FAF1: variants seen among roughly 807,000 people sequenced by gnomAD.
FAF1 encodes the protein Fas associated factor 1.
In FAF1, 25 loss-of-function variants were observed where a neutral mutation model predicts 92.5. That is an observed-to-expected ratio of 0.27 (90% CI 0.20 to 0.38). The LOEUF (loss-of-function observed/expected upper bound fraction) is 0.38. Among genes scored for constraint, FAF1 ranks in the 10% least tolerant of loss-of-function variants. The pLI, the probability that FAF1 is intolerant of heterozygous loss-of-function variation, is 1.00. For synonymous variants in FAF1, 234 were observed against 273.2 expected (o/e 0.86, Z 1.42); for missense variants, 636 against 793.3 (o/e 0.80, Z 2.38).
At chr1:50,622,241 C>T (rs544699111) in intron 8 of FAF1, among the ~76,000 whole-genome samples, 6 of 152,178 alleles carry the variant, frequency 3.9e-5, no homozygotes, top group South Asian at 2.1e-4. Context: ...ATAAAGGGTC[C>T]GCCGTAGCTA....
intron 6 of FAF1, among the ~76,000 whole-genome samples, chr1:50,716,071 T>TAC (rs1198211768): frequency 1.3e-5 from 2 of 152,340 alleles, no homozygotes; most frequent in African/African-American, 4.8e-5. Context: ...GTTATTTTAA[T>TAC]ACACAAAGTA....
chr1:50,446,102 TG>T (rs1469108610), intron 18 of FAF1, among the ~76,000 whole-genome samples: 10 of 152,052 alleles, frequency 6.6e-5, no homozygotes, highest in Non-Finnish European at 1.3e-4. Context: ...TTTGGGGTTG[TG>T]GGGGGGAAGC....
intron 13 of FAF1, among the ~76,000 whole-genome samples, chr1:50,555,293 ACCC>A (rs71812010): frequency 1.3e-5 from 2 of 150,956 alleles, no homozygotes; most frequent in East Asian, 1.9e-4. Context: ...ACACACACAC[ACCC>A]CCCAAAATAA....
intron 8 of FAF1, among the ~76,000 whole-genome samples, chr1:50,629,856 C>G (rs1457472407): frequency 1.3e-5 from 2 of 152,048 alleles, no homozygotes; most frequent in South Asian, 2.1e-4. Flanking sequence ...GTCAGGAGTT[C>G]AAGACCAGCC....
chr1:50,728,782 C>T (rs942127601), intron 6 of FAF1, among the ~76,000 whole-genome samples: 2 of 147,376 alleles, frequency 1.4e-5, no homozygotes, highest in Non-Finnish European at 3.0e-5. Context: ...CAGAGCCAGA[C>T]TCCGTCTCAA....
chr1:50,618,266 T>A (rs1653020179), intron 8 of FAF1, among the ~76,000 whole-genome samples: 1 of 152,176 alleles, frequency 6.6e-6, no homozygotes, highest in Non-Finnish European at 1.5e-5. Flanking sequence ...AACTAATTAA[T>A]GAGGGTGTTT....
rs1209557549 is a variant in FAF1 at position 50,705,647 on chromosome 1, C to T, written c.657+139G>A. ...AGTATATCTACAGTAATCATTGATG[C>T]TCCAGTTAATTAAAATTTAAGAACC... is the stretch of plus-strand genomic sequence containing the variant. On this transcript the variant is annotated intron_variant, in intron 7 of 18. Coordinates refer to ENST00000396153, the MANE Select transcript of FAF1 (RefSeq NM_007051.3). The T allele has an allele frequency of 9.3e-6, 5 of 539,638 alleles. No homozygotes were observed. In the Admixed American group the frequency reaches 1.5e-4, roughly 16 times the overall value. 33.4% of individuals were successfully genotyped at this position (539,638 alleles called of 1,614,324 possible). A position where few individuals can be genotyped will look rare whatever the true frequency, so the allele number is the denominator to read the frequency against.
At chr1:50,557,035 T>A (rs78781836) in intron 13 of FAF1, among the ~76,000 whole-genome samples, 45 of 152,328 alleles carry the variant, frequency 3.0e-4, no homozygotes, top group Admixed American at 5.9e-4. Context: ...ATTTGAGAGC[T>A]GCTCAGAGAA....
intron 13 of FAF1, among the ~76,000 whole-genome samples, chr1:50,544,145 C>G (rs1471400810): frequency 6.6e-6 from 1 of 152,040 alleles, no homozygotes; most frequent in African/African-American, 2.4e-5. Flanking sequence ...TTGCACCTCC[C>G]AACATTTCCA....
At chr1:50,536,574 A>G (rs937244245) in intron 14 of FAF1, among the ~76,000 whole-genome samples, 4 of 152,198 alleles carry the variant, frequency 2.6e-5, no homozygotes, top group African/African-American at 9.6e-5. Context: ...GGGAACATCT[A>G]TGGTCCTTGG....
At chr1:50,851,853 T>C (rs1052203597) in intron 2 of FAF1, among the ~76,000 whole-genome samples, 1 of 152,148 alleles carries the variant, frequency 6.6e-6, no homozygotes, top group African/African-American at 2.4e-5. Context: ...TAAACCAATG[T>C]GAGTTTAGTG....
chr1:50,834,592 A>T (rs1381713207), intron 2 of FAF1, among the ~76,000 whole-genome samples: 4 of 152,260 alleles, frequency 2.6e-5, no homozygotes, highest in African/African-American at 9.6e-5. Flanking sequence ...AGCCAAAACT[A>T]GAAATCAGGT....
intron 2 of FAF1, among the ~76,000 whole-genome samples, chr1:50,819,715 ACG>A (rs1491091926): frequency 2.5e-4 from 7 of 28,068 alleles, no homozygotes; most frequent in Admixed American, 6.3e-4. Context: ...ATATATATAT[ACG>A]TATATATATA....
At chr1:50,864,015 T>C (rs1644458779) in intron 1 of FAF1, among the ~76,000 whole-genome samples, 1 of 152,004 alleles carries the variant, frequency 6.6e-6, no homozygotes, top group Admixed American at 6.6e-5. Context: ...TATTCTCTGA[T>C]CGTAGTTTGT....
intron 12 of FAF1, among the ~76,000 whole-genome samples, chr1:50,577,573 ACTT>A (rs1650810839): frequency 6.6e-6 from 1 of 152,118 alleles, no homozygotes; most frequent in African/African-American, 2.4e-5. Context: ...TTTCCCCTGA[ACTT>A]CTAAGGTAGT....
At chr1:50,777,233 G>C (rs1660994866) in intron 4 of FAF1, among the ~76,000 whole-genome samples, 1 of 151,584 alleles carries the variant, frequency 6.6e-6, no homozygotes. Context: ...GCAACAAAAT[G>C]AGACCCCATT....
At chr1:50,576,587 G>A (rs938380520) in intron 12 of FAF1, among the ~76,000 whole-genome samples, 1 of 151,908 alleles carries the variant, frequency 6.6e-6, no homozygotes, top group Admixed American at 6.6e-5. Context: ...CAGTAGGCAT[G>A]AGAGGTGGGG....
At chr1:50,613,365 T>C (rs936137550) in intron 8 of FAF1, among the ~76,000 whole-genome samples, 1 of 152,188 alleles carries the variant, frequency 6.6e-6, no homozygotes, top group African/African-American at 2.4e-5. Flanking sequence ...AGACCAAATT[T>C]ACCTTCAACA....
At chr1:50,471,353 G>T (rs879632128) in intron 18 of FAF1, among the ~76,000 whole-genome samples, 1 of 152,112 alleles carries the variant, frequency 6.6e-6, no homozygotes, top group Non-Finnish European at 1.5e-5. Flanking sequence ...GAAGGAATTT[G>T]TATACCCCAA....
Sources: allele counts gnomAD v4.1 joint callset (sites outside exome capture counted in the v4.1 genomes callset), GRCh38; gene constraint gnomAD v4.1.1; transcripts MANE v1.5; gene names NCBI Gene and HGNC (gene_info 2026-07-23, HGNC 2026-07-21).